Variants in MTERF4 observed in about 807,000 individuals in gnomAD.
MTERF4 encodes the protein transcription termination factor 4, mitochondrial.
In MTERF4, 17 loss-of-function variants were observed where a neutral mutation model predicts 22.5. The ratio of observed to expected loss-of-function variants is 0.75; its 90% CI spans 0.52 to 1.13. The LOEUF is 1.13. Ranked by LOEUF, MTERF4 falls within the 50% of genes most tolerant of loss-of-function variation. The pLI is 0.00. For synonymous variants in MTERF4, 165 were observed against 175.3 expected, an observed-to-expected ratio of 0.94 and a Z score of 0.47; for missense variants, 420 against 466.8, an observed-to-expected ratio of 0.90 and a Z score of 0.92.
chr2:241,082,086 C>T lies in MTERF4; in HGVS notation n.480-6404G>A, dbSNP rs113835492. ...CGGTGTCAGGAGAAGGGACTCTCCACCCCCACAATACCAACCCACCCCGGC... is the reference window on the plus strand; with the variant it reads ...CGGTGTCAGGAGAAGGGACTCTCCATCCCCACAATACCAACCCACCCCGGC... On this transcript the variant is annotated intron_variant and non_coding_transcript_variant, in intron 4 of 4. Coordinates refer to the MTERF4 transcript ENST00000464344. Among the ~76,000 whole-genome samples, 1,229 of 152,220 alleles carry T rather than the reference C, an allele frequency of 8.1e-3. 6 individuals carry two copies. Among genetic ancestry groups the T allele is most frequent in the Middle Eastern group, 0.034 (10 of 294 alleles).
downstream of MTERF4, chr2:241,093,387 C>G (rs1254618752): frequency 6.5e-6 from 1 of 152,720 alleles, no homozygotes; most frequent in Non-Finnish European, 1.5e-5. Flanking sequence ...AGGAAACTTT[C>G]TACTCCCTAC....
chr2:241,069,141 G>T, downstream of MTERF4: 1 of 672,312 alleles, frequency 1.5e-6, no homozygotes, highest in Non-Finnish European at 2.5e-6. The surrounding 1 kb of genome is among the most constrained non-coding windows in gnomAD (Gnocchi z 4.9). Context: ...CCCAGCCCCT[G>T]GCCTCCCAGA....
At chr2:241,081,793 G>A (rs552536735) in intron 4 of MTERF4, 36 of 1,573,588 alleles carry the variant, frequency 2.3e-5, no homozygotes, top group Admixed American at 5.5e-5. Flanking sequence ...CTGCGAGCTC[G>A]GTAAGTCGGG....
At chr2:241,069,064 C>A, downstream of MTERF4, 1 of 1,362,828 alleles carries the variant, frequency 7.3e-7, no homozygotes, top group Non-Finnish European at 1.0e-6. This position sits in a 1 kb window ranked among gnomAD's most constrained non-coding sequence, Gnocchi z 4.9. Flanking sequence ...GAAAGGCCGT[C>A]TTCTAGAAGC....
At chr2:241,052,519 C>A in the MTERF4 span, 1 of 1,392,956 alleles carries the variant, frequency 7.2e-7, no homozygotes, top group Non-Finnish European at 1.0e-6. Flanking sequence ...CAGTGCCAGG[C>A]AGGTGAGATG....
At chr2:241,077,850 G>C (rs1045306978) in intron 4 of MTERF4, among the ~76,000 whole-genome samples, 2 of 152,152 alleles carry the variant, frequency 1.3e-5, no homozygotes, top group African/African-American at 4.8e-5. Context: ...GACGTGGAGA[G>C]ATCAGAACCC....
chr2:241,082,769 T>A (rs2063390419), downstream of MTERF4, among the ~76,000 whole-genome samples: 2 of 152,256 alleles, frequency 1.3e-5, no homozygotes, highest in Non-Finnish European at 2.9e-5. Flanking sequence ...ACTCATGATG[T>A]GGCCTTAGGC....
downstream of MTERF4, chr2:241,069,904 C>T: frequency 6.2e-7 from 1 of 1,609,590 alleles, no homozygotes; most frequent in Non-Finnish European, 8.5e-7. The surrounding 1 kb of genome is among the most constrained non-coding windows in gnomAD (Gnocchi z 4.9). Context: ...CCTCTCCCTG[C>T]TCCTGCCTCA....
downstream of MTERF4, chr2:241,089,972 T>C: frequency 6.5e-7 from 1 of 1,546,386 alleles, no homozygotes; most frequent in Non-Finnish European, 8.7e-7. Flanking sequence ...AGATAAAAAA[T>C]GGTATACCTG....
chr2:241,048,980 G>A, the MTERF4 span: 3 of 1,528,058 alleles, frequency 2.0e-6, no homozygotes, highest in South Asian at 3.5e-5. Context: ...TCTGCTGGAA[G>A]ACATGTGGAA....
downstream of MTERF4, chr2:241,082,502 G>A (rs1404288747): frequency 3.0e-5 from 19 of 635,362 alleles, no homozygotes; most frequent in East Asian, 5.2e-5. Flanking sequence ...TTTGACCATC[G>A]ATTCCCTCCA....
At chr2:241,081,735 C>T (rs752905522) in intron 4 of MTERF4, 19 of 1,609,226 alleles carry the variant, frequency 1.2e-5, no homozygotes, top group South Asian at 2.2e-5. Flanking sequence ...GTGTGCCGGG[C>T]GCAGACGCCC....
chr2:241,066,386 A>C, the MTERF4 span, among the ~76,000 whole-genome samples: 1 of 152,212 alleles, frequency 6.6e-6, no homozygotes, highest in African/African-American at 2.4e-5. Flanking sequence ...GGACAGGGGC[A>C]GGGCCGGAAG....
chr2:241,083,342 G>A (rs147323728), downstream of MTERF4, among the ~76,000 whole-genome samples: 30 of 152,162 alleles, frequency 2.0e-4, no homozygotes, highest in Non-Finnish European at 3.7e-4. Flanking sequence ...GGGAACCCTC[G>A]GGGCCATGGA....
chr2:241,088,217 A>G, downstream of MTERF4: 1 of 663,986 alleles, frequency 1.5e-6, no homozygotes, highest in Non-Finnish European at 2.8e-6. Context: ...TAATCTCCAC[A>G]GCGGTGTCTG....
the MTERF4 span, chr2:241,053,358 T>A: frequency 3.3e-6 from 5 of 1,534,584 alleles, no homozygotes; most frequent in African/African-American, 6.8e-5. Flanking sequence ...GTGGGGCAGG[T>A]GGGGCCCACA....
intron 3 of MTERF4, 121 bp downstream of exon 3, chr2:241,097,122 G>C (rs1217380103): frequency 4.9e-6 from 6 of 1,229,698 alleles, no homozygotes; most frequent in Non-Finnish European, 5.7e-6. Context: ...TGAAAAACCT[G>C]AGAAACTTGC....
downstream of MTERF4, chr2:241,088,112 CCT>C (rs1040524248): frequency 5.8e-3 from 2,800 of 484,894 alleles, no homozygotes; most frequent in South Asian, 9.1e-3. Flanking sequence ...CCACGTCCAT[CCT>C]CTCTCTCTCT....
At chr2:241,067,612 A>C (rs910954024), downstream of MTERF4, among the ~76,000 whole-genome samples, 2 of 151,936 alleles carry the variant, frequency 1.3e-5, no homozygotes, top group African/African-American at 2.4e-5. Context: ...CATCCCACTC[A>C]GCCCGAGTTC....
Sources: gnomAD v4.1 joint callset for allele counts (sites outside exome capture counted in the v4.1 genomes callset) on GRCh38, gnomAD v4.1.1 for gene constraint, Gnocchi (gnomAD v3.1) non-coding constraint, MANE v1.5 for transcripts, NCBI Gene and HGNC (gene_info 2026-07-23, HGNC 2026-07-21) for gene names.